The following CLHC1 variants were observed in gnomAD, a reference collection of about 807,000 sequenced individuals.
CLHC1 encodes the protein clathrin heavy chain linker domain-containing protein 1.
In CLHC1, 72 loss-of-function variants were observed where a neutral mutation model predicts 69.5. That is an observed-to-expected ratio of 1.04 (90% CI 0.86 to 1.26). The LOEUF (loss-of-function observed/expected upper bound fraction) is 1.26, where lower values mean the gene tolerates loss of function less well. CLHC1 is among the 50% of genes most tolerant of loss of function. The probability of loss-of-function intolerance (pLI) is 0.00; values close to 1 mark genes in which losing one functional copy is unlikely to be tolerated. For missense variants in CLHC1, 790 were observed against 679.3 expected (o/e 1.16, Z -1.81); for synonymous variants, 223 against 224.3 (o/e 0.99, Z 0.05).
At chr2:55,231,625 G>A (rs1293998667) in intron 1 of CLHC1, among the ~76,000 whole-genome samples, 3 of 152,128 alleles carry the variant, frequency 2.0e-5, no homozygotes, top group Non-Finnish European at 4.4e-5. Context: ...AGAGGATGAA[G>A]AAATAAATAC....
chr2:55,216,697 C>CT (rs34018592), intron 4 of CLHC1, among the ~76,000 whole-genome samples: 29,169 of 151,820 alleles, frequency 0.19, 3,060 homozygotes, highest in East Asian at 0.34. Flanking sequence ...TTTTTTTAAA[C>CT]TTTTTTGTAA....
chr2:55,180,839 T>C (rs1350398230), intron 10 of CLHC1, 127 bp from the exon 11 acceptor site: 1 of 653,696 alleles, frequency 1.5e-6, no homozygotes, highest in East Asian at 2.7e-5. Flanking sequence ...CAAGTTACAA[T>C]TTAATAGGCA....
chr2:55,232,313 T>G (rs1019907205), upstream of CLHC1: 1 of 210,508 alleles, frequency 4.8e-6, no homozygotes, highest in African/African-American at 2.3e-5. Context: ...AACTGCATCT[T>G]GGGACAAGTA....
At position 55,174,293 on chromosome 2, in the gene CLHC1, T is replaced by C. The variant is rs1487525882; in HGVS notation, c.*1497A>G. 6.6e-6 allele frequency among the ~76,000 whole-genome samples: 1 copy of C among 152,230 alleles called. No individual in the cohort carries two copies. Among genetic ancestry groups the C allele is most frequent in the Non-Finnish European group, 1.5e-5 (1 of 68,042 alleles). On this transcript the variant is annotated 3_prime_UTR_variant, in exon 13 of 13. Transcript: ENST00000401408. The stretch of plus-strand genomic sequence containing the variant: ...CAAATGGAAAAATTAAAAACTCAGC[T>C]TGAATGCTTCTGAATTTATAAGATA...
At chr2:55,179,154 T>C (rs1669679528) in intron 11 of CLHC1, among the ~76,000 whole-genome samples, 1 of 152,084 alleles carries the variant, frequency 6.6e-6, no homozygotes, top group Non-Finnish European at 1.5e-5. Context: ...AATTCTTACA[T>C]ATGGAAAAAT....
chr2:55,180,716 G>A lies in CLHC1; in HGVS notation c.1182-4C>T, dbSNP rs757415401. 5 of 1,612,368 alleles carry A rather than the reference G, an allele frequency of 3.1e-6. No homozygotes were observed. The highest frequency in any genetic ancestry group is 4.2e-6 in the Non-Finnish European group (5 of 1,178,542). Reference sequence around the variant, plus strand: ...AGCCTCCTCAGAAAATGTCAGTCTAGAACAAGCAGATCAATAAGACATATG... The same window carrying A: ...AGCCTCCTCAGAAAATGTCAGTCTAAAACAAGCAGATCAATAAGACATATG... On this transcript the variant is annotated splice_polypyrimidine_tract_variant and splice_region_variant and intron_variant, in intron 10 of 12. Coordinates refer to ENST00000401408, the MANE Select transcript of CLHC1 (RefSeq NM_152385.4).
intron 2 of CLHC1, among the ~76,000 whole-genome samples, chr2:55,226,796 T>A (rs1385375985): frequency 6.6e-6 from 1 of 152,208 alleles, no homozygotes; most frequent in East Asian, 1.9e-4. Context: ...CATGTCTGGG[T>A]AATTTTTTGT....
chr2:55,196,806 T>C (rs1300815255), intron 9 of CLHC1, among the ~76,000 whole-genome samples: 2 of 152,174 alleles, frequency 1.3e-5, no homozygotes, highest in Non-Finnish European at 2.9e-5. Flanking sequence ...CAGCTTCTTC[T>C]TGAGAAAAGC....
intron 2 of CLHC1, 97 bp downstream of exon 2, chr2:55,227,935 C>T (rs1674874613): frequency 6.6e-6 from 1 of 152,086 alleles, no homozygotes; most frequent in African/African-American, 2.4e-5. Flanking sequence ...CCTCTCTTAC[C>T]TTAGGATCTT....
intron 3 of CLHC1, among the ~76,000 whole-genome samples, chr2:55,221,147 T>C (rs1265377453): frequency 6.6e-6 from 1 of 152,204 alleles, no homozygotes; most frequent in Non-Finnish European, 1.5e-5. Context: ...ACTGAGTTTC[T>C]ATTTTGCCTG....
chr2:55,178,073 T>C (rs922678196), intron 11 of CLHC1, among the ~76,000 whole-genome samples: 6 of 152,218 alleles, frequency 3.9e-5, no homozygotes, highest in Non-Finnish European at 5.9e-5. Flanking sequence ...GATTGGCTAC[T>C]AGGAAACCTG....
intron 8 of CLHC1, among the ~76,000 whole-genome samples, chr2:55,208,318 T>C (rs1268615647): frequency 6.6e-6 from 1 of 152,192 alleles, no homozygotes; most frequent in East Asian, 1.9e-4. Flanking sequence ...ACACATAGCC[T>C]GAAGGCAATT....
At position 55,175,923 on chromosome 2, in the gene CLHC1, G is replaced by GC; in HGVS notation, c.1627dup (p.Ala543GlyfsTer10). ...AAAGCCATTCTGTGAACATATATTTGCCACTTCTTGCCACTTTTCTATGGA... is the reference window on the plus strand; with the variant it reads ...AAAGCCATTCTGTGAACATATATTTGCCCACTTCTTGCCACTTTTCTATGGA... On this transcript the variant is annotated frameshift_variant, in exon 13 of 13. Transcript: ENST00000401408. LOFTEE classifies it high-confidence loss of function. The GC allele has an allele frequency of 6.2e-7, 1 of 1,613,734 alleles. No individual in the cohort carries two copies. Among genetic ancestry groups the GC allele is most frequent in the Non-Finnish European group, 8.5e-7 (1 of 1,179,720 alleles).
chr2:55,205,402 C>CAT (rs767901348), intron 9 of CLHC1, among the ~76,000 whole-genome samples: 2 of 149,662 alleles, frequency 1.3e-5, no homozygotes, highest in Admixed American at 6.7e-5. Context: ...AAAGAAAATA[C>CAT]ACACACACAC....
In CLHC1 at chr2:55,222,508, G is replaced by A; in HGVS notation, c.-82-15C>T. 1.2e-6 allele frequency: 1 copy of A among 818,092 alleles called. No homozygotes were observed. Among genetic ancestry groups the A allele is most frequent in the South Asian group, 2.0e-5 (1 of 51,212 alleles). 50.7% of individuals were successfully genotyped at this position (818,092 alleles called of 1,614,324 possible). ...CTTTGATAAGCCTGAAAGAAAAAAA[G>A]AGCATCAATTAATATAATAATTTTT... is the stretch of plus-strand genomic sequence containing the variant. On this transcript the variant is annotated splice_polypyrimidine_tract_variant and intron_variant, in intron 2 of 12. Coordinates refer to ENST00000401408, the MANE Select transcript of CLHC1 (RefSeq NM_152385.4).
chr2:55,216,114 A>C (rs1428556626), intron 4 of CLHC1: 1 of 306 alleles, frequency 3.3e-3, no homozygotes, highest in Non-Finnish European at 8.6e-3. Context: ...ATCTCTACTA[A>C]AAAAAAAAAA....
At chr2:55,214,053 A>G (rs1195668815) in intron 4 of CLHC1, among the ~76,000 whole-genome samples, 1 of 152,172 alleles carries the variant, frequency 6.6e-6, no homozygotes, top group African/African-American at 2.4e-5. Context: ...TTCTGGCTAA[A>G]CTTGCTTCAC....
Position 55,222,407 on chromosome 2 carries a change from G to T in CLHC1, c.5C>A (p.Ser2Ter). 1 of 1,612,326 alleles carries T rather than the reference G, an allele frequency of 6.2e-7. No individual in the cohort carries two copies. The highest frequency in any genetic ancestry group is 1.1e-5 in the South Asian group (1 of 90,884). Residue 2 changes from serine to a stop codon, truncating the protein, a stop_gained, in exon 3 of 13, where the codon TCA (serine) becomes TAA (stop). Coordinates refer to ENST00000401408, the MANE Select transcript of CLHC1 (RefSeq NM_152385.4). LOFTEE classifies it high-confidence loss of function. The stretch of plus-strand genomic sequence containing the variant: ...TGCATGTTTTCTTATTTGATGAACT[G>T]ACATATTTGACAATCTGCACACTTG... M[S>*]VHQIRKHAVL... is the part of the protein sequence containing the mutation.
At position 55,228,222 on chromosome 2, in the gene CLHC1, T is replaced by G. The variant is rs925414997; in HGVS notation, c.-255-18A>C. 4.6e-5 allele frequency: 7 copies of G among 152,218 alleles called. No homozygotes were observed. The highest frequency in any genetic ancestry group is 1.7e-4 in the African/African-American group (7 of 41,456). 9.4% of individuals were successfully genotyped at this position (152,218 alleles called of 1,614,324 possible). A position where few individuals can be genotyped will look rare whatever the true frequency, so the allele number is the denominator to read the frequency against. On this transcript the variant is annotated intron_variant, in intron 1 of 12. Coordinates refer to ENST00000401408, the MANE Select transcript of CLHC1 (RefSeq NM_152385.4). The stretch of plus-strand genomic sequence containing the variant: ...CTGTTAGGCTGTAAGCGTGACAAGA[T>G]CAGGAAACAAAATGTTCTCTTTCCC...
Sources: gnomAD v4.1 joint callset for allele counts (sites outside exome capture counted in the v4.1 genomes callset) on GRCh38, gnomAD v4.1.1 for gene constraint, MANE v1.5 for transcripts, NCBI Gene and HGNC (gene_info 2026-07-23, HGNC 2026-07-21) for gene names.